The following IGF1R variants were observed in gnomAD, a reference collection of about 807,000 sequenced individuals.
IGF1R encodes insulin-like growth factor 1 receptor.
In IGF1R, 44 loss-of-function variants were observed where a neutral mutation model predicts 144.6. That is an observed-to-expected ratio of 0.30 (90% confidence interval 0.24 to 0.39). The LOEUF (loss-of-function observed/expected upper bound fraction) is 0.39, where lower values mean the gene tolerates loss of function less well. Among genes scored for constraint, IGF1R ranks in the 10% least tolerant of loss-of-function variants. The pLI is 1.00. For synonymous variants in IGF1R, 795 were observed against 722.8 expected, an observed-to-expected ratio of 1.10 and a Z score of -1.60; for missense variants, 1,355 against 1,833.7, an observed-to-expected ratio of 0.74 and a Z score of 4.77.
intron 2 of IGF1R, among the ~76,000 whole-genome samples, chr15:98,750,789 A>G (rs1395541182): frequency 6.6e-6 from 1 of 152,136 alleles, no homozygotes; most frequent in East Asian, 1.9e-4. Context: ...ATTTTCTTCT[A>G]GTTTTTTGTT....
rs763459017 is a variant in IGF1R at position 98,958,808 on chromosome 15, T to C, written c.*1366T>C. On this transcript the variant is annotated 3_prime_UTR_variant, in exon 21 of 21. Transcript: ENST00000650285. ...TCTGCTCACTCCAAGAAACTTCTTA[T>C]GCTTTGTACTAGAGTGCGTGACTTT... 1.3e-5 allele frequency: 3 copies of C among 233,292 alleles called. No homozygotes were observed. Among genetic ancestry groups the C allele is most frequent in the African/African-American group, 2.2e-5 (1 of 45,342 alleles). The allele number at this position is 233,292 out of a possible 1,614,324, so 14.5% of individuals were successfully genotyped here.
At chr15:98,691,243 T>A (rs1289239622) in intron 1 of IGF1R, among the ~76,000 whole-genome samples, 2 of 152,140 alleles carry the variant, frequency 1.3e-5, no homozygotes, top group Non-Finnish European at 2.9e-5. Context: ...CTCCTTCACC[T>A]CTTCTGGTCT....
chr15:98,942,894 G>C (rs1363368605), intron 18 of IGF1R, 29 bp from the exon 19 acceptor site: 1 of 1,613,870 alleles, frequency 6.2e-7, no homozygotes. Flanking sequence ...GCTCCAGCGT[G>C]TGACTCTGCG....
At chr15:98,817,851 C>G (rs996518403) in intron 2 of IGF1R, among the ~76,000 whole-genome samples, 1 of 152,212 alleles carries the variant, frequency 6.6e-6, no homozygotes, top group Non-Finnish European at 1.5e-5. Flanking sequence ...TCTGACCACC[C>G]CAGCCCTACT....
chr15:98,649,211 C>A lies in IGF1R; in HGVS notation c.-371C>A, dbSNP rs1018020519. 11 of 218,524 alleles carry A rather than the reference C, an allele frequency of 5.0e-5. No homozygotes were observed. Among genetic ancestry groups the A allele is most frequent in the Non-Finnish European group, 1.0e-4 (11 of 108,846 alleles). 13.5% of individuals were successfully genotyped at this position (218,524 alleles called of 1,614,324 possible). ...GGCCAGGGCCGGGCTTGTTTTTCCT[C>A]GCCTAGGCAGATTTGGGCTTTGCCC... On this transcript the variant is annotated 5_prime_UTR_variant, in exon 1 of 21. Coordinates refer to ENST00000650285, the MANE Select transcript of IGF1R (RefSeq NM_000875.5).
chr15:98,876,096 A>G (rs2013046696), intron 2 of IGF1R, among the ~76,000 whole-genome samples: 1 of 152,188 alleles, frequency 6.6e-6, no homozygotes, highest in Non-Finnish European at 1.5e-5. Flanking sequence ...CCAGGAAATA[A>G]TAGTAGATAT....
At position 98,751,558 on chromosome 15, in the gene IGF1R, AT is replaced by A. The variant is rs148716434; in HGVS notation, c.640+43454del. On this transcript the variant is annotated intron_variant, in intron 2 of 20. Transcript: ENST00000650285. Reference sequence around the variant, plus strand: ...TCTTAAAGTTTCCCCATTGTTGGGCATTTGCATTGGTCCCAGTTTTTTATAA... The same window carrying A: ...TCTTAAAGTTTCCCCATTGTTGGGCATTGCATTGGTCCCAGTTTTTTATAA... Among the ~76,000 whole-genome samples the A allele has an allele frequency of 6.9e-3, 1,055 of 152,270 alleles. 19 individuals are homozygous for A. Among genetic ancestry groups the A allele is most frequent in the South Asian group, 0.064 (309 of 4,826 alleles).
At chr15:98,765,787 A>G (rs1376413748) in intron 2 of IGF1R, among the ~76,000 whole-genome samples, 1 of 152,150 alleles carries the variant, frequency 6.6e-6, no homozygotes, top group Non-Finnish European at 1.5e-5. Context: ...ATTCTCCCCC[A>G]TGATTGCACA....
intron 1 of IGF1R, among the ~76,000 whole-genome samples, chr15:98,698,336 G>C (rs550655617): frequency 8.3e-4 from 127 of 152,174 alleles, no homozygotes; most frequent in Non-Finnish European, 9.0e-4. Context: ...CACGCCCACC[G>C]GCCTCCCATC....
chr15:98,729,175 A>G (rs1194752413), intron 2 of IGF1R, among the ~76,000 whole-genome samples: 4 of 152,236 alleles, frequency 2.6e-5, no homozygotes, highest in Non-Finnish European at 4.4e-5. Flanking sequence ...AATTCTCACT[A>G]CAACAGCTGT....
At chr15:98,720,686 A>C (rs990682516) in intron 2 of IGF1R, among the ~76,000 whole-genome samples, 12 of 152,196 alleles carry the variant, frequency 7.9e-5, no homozygotes, top group African/African-American at 2.9e-4. Context: ...GAGAGCAGGA[A>C]ATTCAGGTAG....
intron 1 of IGF1R, among the ~76,000 whole-genome samples, chr15:98,674,334 T>C (rs1468661003): frequency 1.3e-5 from 2 of 152,196 alleles, no homozygotes; most frequent in Non-Finnish European, 2.9e-5. Flanking sequence ...CTGCACATGG[T>C]GAATGTTCTA....
chr15:98,722,367 A>G (rs988922895), intron 2 of IGF1R, among the ~76,000 whole-genome samples: 3 of 152,212 alleles, frequency 2.0e-5, no homozygotes, highest in African/African-American at 7.2e-5. Flanking sequence ...TTCATGAGAA[A>G]TGTCCACACT....
chr15:98,832,364 T>C (rs2057017428), intron 2 of IGF1R, among the ~76,000 whole-genome samples: 1 of 152,144 alleles, frequency 6.6e-6, no homozygotes, highest in South Asian at 2.1e-4. Flanking sequence ...CCCCAGCATA[T>C]TCCAGGAGCT....
chr15:98,824,511 CTG>C (rs2056857183), intron 2 of IGF1R, among the ~76,000 whole-genome samples: 1 of 152,232 alleles, frequency 6.6e-6, no homozygotes, highest in Non-Finnish European at 1.5e-5. Context: ...TCCCTGTTCT[CTG>C]TGATGTGAAG....
intron 2 of IGF1R, among the ~76,000 whole-genome samples, chr15:98,772,285 T>C (rs2141373877): frequency 6.6e-6 from 1 of 152,182 alleles, no homozygotes; most frequent in East Asian, 1.9e-4. Context: ...TGATTAATAA[T>C]TTCTAGTCTG....
chr15:98,656,120 G>C (rs527658324), intron 1 of IGF1R, among the ~76,000 whole-genome samples: 39 of 152,226 alleles, frequency 2.6e-4, no homozygotes, highest in Admixed American at 2.6e-4. Context: ...TGTGTCCATG[G>C]AGCTCACTTG....
chr15:98,911,751 C>T (rs573921266), intron 7 of IGF1R, among the ~76,000 whole-genome samples: 15 of 152,316 alleles, frequency 9.8e-5, no homozygotes, highest in African/African-American at 2.9e-4. Flanking sequence ...AGAATTAGGT[C>T]AGTCCAGACT....
At chr15:98,741,235 CTTTTTTTTTTTTTTT>C (rs540942858) in intron 2 of IGF1R, among the ~76,000 whole-genome samples, 1 of 70,332 alleles carries the variant, frequency 1.4e-5, no homozygotes, top group African/African-American at 7.0e-5. Flanking sequence ...TTTTCCTGAG[CTTTTTTTTTTTTTTT>C]TTTTTTTTTT....
Sources: allele counts gnomAD v4.1 joint callset (sites outside exome capture counted in the v4.1 genomes callset), GRCh38; gene constraint gnomAD v4.1.1; transcripts MANE v1.5; gene names NCBI Gene and HGNC (gene_info 2026-07-23, HGNC 2026-07-21).